The following PAX7 variants were observed in gnomAD, a reference collection of about 807,000 sequenced individuals.
PAX7 encodes paired box 7, also known as paired box protein Pax-7.
In PAX7, 18 loss-of-function variants were observed where a neutral mutation model predicts 50.7. The observed-to-expected ratio is 0.36, with a 90% CI of 0.25 to 0.53. The LOEUF (loss-of-function observed/expected upper bound fraction) is 0.53. Among genes scored for constraint, PAX7 ranks in the 20% least tolerant of loss-of-function variants. PAX7 has a pLI of 0.93. For missense variants in PAX7, 644 were observed against 702.9 expected (o/e 0.92, Z 0.95); for synonymous variants, 310 against 290.4 (o/e 1.07, Z -0.69).
intron 7 of PAX7, among the ~76,000 whole-genome samples, chr1:18,714,777 G>A (rs1445905764): frequency 2.0e-5 from 3 of 152,214 alleles, no homozygotes; most frequent in Non-Finnish European, 2.9e-5. Flanking sequence ...TTGTACATCC[G>A]CACCTCCTTC....
chr1:18,658,926 G>T (rs945272004), intron 4 of PAX7, among the ~76,000 whole-genome samples: 2 of 152,186 alleles, frequency 1.3e-5, no homozygotes, highest in South Asian at 4.1e-4. Flanking sequence ...GAGCTGGAGA[G>T]TGTGTGTGCA....
chr1:18,704,833 A>G (rs537083340), intron 7 of PAX7, among the ~76,000 whole-genome samples: 1 of 152,224 alleles, frequency 6.6e-6, no homozygotes, highest in South Asian at 2.1e-4. Context: ...TGCATCGTTT[A>G]TTTATGGGAA....
In PAX7 at chr1:18,634,720, G is replaced by A. The variant is rs2088117028; in HGVS notation, c.321+182G>A. Among the ~76,000 whole-genome samples the A allele has an allele frequency of 6.6e-6, 1 of 152,222 alleles. No homozygotes were observed. On this transcript the variant is annotated intron_variant, in intron 2 of 8. Transcript: ENST00000420770. This position sits in a 1 kb window ranked among gnomAD's most constrained non-coding sequence, Gnocchi z 4.0. ...TTGAATTTCTCAGAGATGGAGCTAA[G>A]TGAGGTCTAGGTTGTGCAAGACCTT...
intron 7 of PAX7, among the ~76,000 whole-genome samples, chr1:18,733,766 A>G (rs2089676834): frequency 6.6e-6 from 1 of 152,132 alleles, no homozygotes; most frequent in South Asian, 2.1e-4. Context: ...AGACCCTCTA[A>G]AGTGATCAGA....
rs1020540728 is a variant in PAX7 at position 18,631,614 on chromosome 1, T to C, written c.11T>C (p.Leu4Pro). The C allele has an allele frequency of 3.1e-6, 5 of 1,612,336 alleles. No individual in the cohort carries two copies. The highest frequency in any genetic ancestry group is 3.4e-6 in the Non-Finnish European group (4 of 1,179,642). Reference sequence around the variant, plus strand: ...CCGGCGTGCGCAAGAATGGCGGCCCTTCCCGGCACGGTACCGAGAATGATG... The same window carrying C: ...CCGGCGTGCGCAAGAATGGCGGCCCCTCCCGGCACGGTACCGAGAATGATG... MAA[L>P]PGTVPRMMRP... The change falls in exon 1 of 9, where the codon CTT (leucine) becomes CCT (proline). Residue 4 changes from leucine (L) to proline (P), a missense_variant. Physicochemically the swap from Leu to Pro is moderately conservative, Grantham distance 98. Transcript: ENST00000420770.
At chr1:18,681,164 TAAAAAAA>T (rs143668000) in intron 4 of PAX7, among the ~76,000 whole-genome samples, 1 of 67,380 alleles carries the variant, frequency 1.5e-5, no homozygotes, top group Admixed American at 2.0e-4. Flanking sequence ...CAAAACTCCG[TAAAAAAA>T]AAAAAAAAAA....
In PAX7 at chr1:18,718,647, C is replaced by CTT. The variant is rs11367355; in HGVS notation, c.1155+15363_1155+15364dup. On this transcript the variant is annotated intron_variant, in intron 7 of 8. Coordinates refer to ENST00000420770, the MANE Select transcript of PAX7 (RefSeq NM_001135254.2). Reference sequence around the variant, plus strand: ...AATGGTATCCACGCCTTGACCCTTCCTTTTTTTTTTTTTGAGATGGGAGTC... The same window carrying CTT: ...AATGGTATCCACGCCTTGACCCTTCCTTTTTTTTTTTTTTTGAGATGGGAGTC... 5.0e-3 allele frequency among the ~76,000 whole-genome samples: 723 copies of CTT among 144,132 alleles called. 12 individuals are homozygous for CTT. In the East Asian group the frequency reaches 0.06, roughly 12 times the overall value. 94.6% of individuals were successfully genotyped at this position (144,132 alleles called of 152,430 possible). A position where few individuals can be genotyped will look rare whatever the true frequency, so the allele number is the denominator to read the frequency against.
In PAX7 at chr1:18,635,118, C is replaced by T. The variant is rs774565338; in HGVS notation, c.329C>T (p.Ala110Val). The change falls in exon 3 of 9, where the codon GCG (alanine) becomes GTG (valine). Residue 110 changes from alanine to valine, a missense_variant. Physicochemically the swap from Ala to Val is moderately conservative, Grantham distance 64. Transcript: ENST00000420770. ...CCACCTCCACCTCTGAAGCAGGTGGCGACTCCGGATGTAGAGAAAAAGATT... is the reference window on the plus strand; with the variant it reads ...CCACCTCCACCTCTGAAGCAGGTGGTGACTCCGGATGTAGAGAAAAAGATT... Reference protein sequence around the residue: ...AIGGSKPRQVATPDVEKKIEE... With the variant: ...AIGGSKPRQVVTPDVEKKIEE... 64 of 1,613,420 alleles carry T rather than the reference C, an allele frequency of 4.0e-5. No homozygotes were observed. The highest frequency in any genetic ancestry group is 5.1e-5 in the Non-Finnish European group (60 of 1,179,584).
At chr1:18,674,755 C>G (rs2088801343) in intron 4 of PAX7, among the ~76,000 whole-genome samples, 1 of 152,208 alleles carries the variant, frequency 6.6e-6, no homozygotes, top group Non-Finnish European at 1.5e-5. Context: ...GGCTCTTGCT[C>G]CCTTTCACAG....
intron 4 of PAX7, among the ~76,000 whole-genome samples, chr1:18,646,187 G>A (rs1470671560): frequency 4.6e-5 from 7 of 152,218 alleles, no homozygotes; most frequent in Non-Finnish European, 8.8e-5. Flanking sequence ...ATTTGTCGGA[G>A]GTCCTCGGAG....
At chr1:18,650,414 G>C (rs2088413252) in intron 4 of PAX7, among the ~76,000 whole-genome samples, 1 of 152,212 alleles carries the variant, frequency 6.6e-6, no homozygotes, top group African/African-American at 2.4e-5. Flanking sequence ...TTTGGGGCCT[G>C]GTGGAGCAGC....
rs1189155297 is a variant in PAX7 at position 18,660,127 on chromosome 1, G to A, written c.586+23756G>A. 3.9e-5 allele frequency among the ~76,000 whole-genome samples: 6 copies of A among 152,258 alleles called. No individual in the cohort carries two copies. In the East Asian group the frequency reaches 1.2e-3, roughly 30 times the overall value. Reference sequence around the variant, plus strand: ...TCAACGCTCCCAAATTGGAGCCTCTGTCAGGGGAGGGGCCCCTAGGATAGG... The same window carrying A: ...TCAACGCTCCCAAATTGGAGCCTCTATCAGGGGAGGGGCCCCTAGGATAGG... On this transcript the variant is annotated intron_variant, in intron 4 of 8. Transcript: ENST00000420770.
intron 4 of PAX7, among the ~76,000 whole-genome samples, chr1:18,684,105 G>T (rs2088938045): frequency 1.3e-5 from 2 of 152,248 alleles, no homozygotes; most frequent in South Asian, 2.1e-4. Context: ...CATGAGGAGG[G>T]TGGGACAGGG....
At chr1:18,732,038 A>G (rs1026330936) in intron 7 of PAX7, among the ~76,000 whole-genome samples, 2 of 152,080 alleles carry the variant, frequency 1.3e-5, no homozygotes, top group Admixed American at 6.5e-5. Flanking sequence ...CAGGGACCTC[A>G]GGGCCTTTGC....
At chr1:18,737,748 G>A (rs1930864800) in intron 8 of PAX7, among the ~76,000 whole-genome samples, 1 of 152,264 alleles carries the variant, frequency 6.6e-6, no homozygotes, top group African/African-American at 2.4e-5. Flanking sequence ...GTAAGTATAT[G>A]TATCTGCTTA....
Position 18,631,188 on chromosome 1 carries a change from C to T in PAX7, c.-416C>T, listed in dbSNP as rs1161496974. ...AGCGCCAGAGCGCGAGAGCGCGGCG[C>T]TCGCCACTCTGAGGCTGGCGGCCTC... On this transcript the variant is annotated 5_prime_UTR_variant, in exon 1 of 9. Transcript: ENST00000420770. 2 of 240,298 alleles carry T rather than the reference C, an allele frequency of 8.3e-6. No homozygotes were observed. Among genetic ancestry groups the T allele is most frequent in the Non-Finnish European group, 1.6e-5 (2 of 123,106 alleles). 14.9% of individuals were successfully genotyped at this position (240,298 alleles called of 1,614,324 possible). A position where few individuals can be genotyped will look rare whatever the true frequency, so the allele number is the denominator to read the frequency against.
At chr1:18,633,191 C>A (rs1035755693) in intron 1 of PAX7, among the ~76,000 whole-genome samples, 13 of 152,140 alleles carry the variant, frequency 8.5e-5, no homozygotes, top group Non-Finnish European at 7.3e-5. Flanking sequence ...GTAGGAACGG[C>A]CCAGCAGCGG....
chr1:18,683,902 G>C (rs2088934917), intron 4 of PAX7, among the ~76,000 whole-genome samples: 1 of 152,138 alleles, frequency 6.6e-6, no homozygotes, highest in South Asian at 2.1e-4. Flanking sequence ...ATGGGTGCTG[G>C]GGACAGATGA....
intron 7 of PAX7, among the ~76,000 whole-genome samples, chr1:18,725,405 C>T (rs2089551734): frequency 6.6e-6 from 1 of 151,994 alleles, no homozygotes; most frequent in Admixed American, 6.5e-5. Context: ...GGAGGCCCTC[C>T]TCCCTCCCCT....
Sources: allele counts gnomAD v4.1 joint callset (sites outside exome capture counted in the v4.1 genomes callset), GRCh38; gene constraint gnomAD v4.1.1; non-coding constraint Gnocchi (gnomAD v3.1); transcripts MANE v1.5; gene names NCBI Gene and HGNC (gene_info 2026-07-23, HGNC 2026-07-21).